IGFL2: variants seen among roughly 807,000 people sequenced by gnomAD.
IGFL2 encodes the protein insulin growth factor-like family member 2.
Under a neutral mutation model 13.9 loss-of-function variants are expected in IGFL2, and 7 were observed. The ratio of observed to expected loss-of-function variants is 0.51; its 90% CI spans 0.29 to 0.95. IGFL2 has a LOEUF of 0.95. Ranked by LOEUF, IGFL2 falls within the 40% of genes least tolerant of loss-of-function variation. The pLI is 0.08. For synonymous variants in IGFL2, 55 were observed against 55.8 expected (o/e 0.99, Z 0.07); for missense variants, 138 against 147.8 (o/e 0.93, Z 0.34).
chr19:46,188,167 TC>T, the IGFL2 span, among the ~76,000 whole-genome samples: 1 of 152,262 alleles, frequency 6.6e-6, no homozygotes, highest in East Asian at 1.9e-4. Context: ...AGTTTCACCC[TC>T]CCCCAATACC....
At chr19:46,127,430 A>G in the IGFL2 span, among the ~76,000 whole-genome samples, 3 of 152,192 alleles carry the variant, frequency 2.0e-5, no homozygotes, top group South Asian at 2.1e-4. Flanking sequence ...TCCATGAACT[A>G]TTGACAATTT....
chr19:46,122,770 A>G, the IGFL2 span, among the ~76,000 whole-genome samples: 1 of 150,894 alleles, frequency 6.6e-6, no homozygotes, highest in Non-Finnish European at 1.5e-5. Context: ...AAAACCCCCA[A>G]CAGAATAAAG....
At chr19:46,129,377 G>T in the IGFL2 span, among the ~76,000 whole-genome samples, 1 of 146,034 alleles carries the variant, frequency 6.8e-6, no homozygotes, top group African/African-American at 2.5e-5. Flanking sequence ...GTTCAGTTTT[G>T]ATTTTGATTA....
chr19:46,201,583 C>T, the IGFL2 span, among the ~76,000 whole-genome samples: 1 of 152,312 alleles, frequency 6.6e-6, no homozygotes, highest in African/African-American at 2.4e-5. Flanking sequence ...AATCTGTGTT[C>T]CCAGTGATGG....
the IGFL2 span, chr19:46,124,177 T>C: frequency 6.2e-6 from 10 of 1,610,200 alleles, 1 homozygote; most frequent in African/African-American, 1.1e-4. Flanking sequence ...ACATTGATGG[T>C]GTACATCCAA....
chr19:46,137,393 G>A, the IGFL2 span: 3 of 1,064,932 alleles, frequency 2.8e-6, no homozygotes. Context: ...TGTTTGCTGG[G>A]ACAACAGTGC....
upstream of IGFL2, among the ~76,000 whole-genome samples, chr19:46,148,085 G>A (rs1050040421): frequency 1.3e-5 from 2 of 152,178 alleles, no homozygotes; most frequent in African/African-American, 4.8e-5. Context: ...AACAGGTCCA[G>A]GAACATCTTA....
At chr19:46,092,418 G>T in the IGFL2 span, among the ~76,000 whole-genome samples, 4 of 152,044 alleles carry the variant, frequency 2.6e-5, no homozygotes, top group South Asian at 4.2e-4. Flanking sequence ...ATCACTTGAG[G>T]TTGGGAGTTT....
chr19:46,097,709 C>G, the IGFL2 span, among the ~76,000 whole-genome samples: 59 of 152,294 alleles, frequency 3.9e-4, no homozygotes, highest in African/African-American at 1.4e-3. Flanking sequence ...TACATTGTCT[C>G]TTGTTCTCAT....
At chr19:46,166,785 G>A in the IGFL2 span, among the ~76,000 whole-genome samples, 1 of 152,206 alleles carries the variant, frequency 6.6e-6, no homozygotes, top group African/African-American at 2.4e-5. Flanking sequence ...ATTTGCTTTT[G>A]AAAGAAGAGA....
At chr19:46,201,716 C>T in the IGFL2 span, among the ~76,000 whole-genome samples, 1 of 152,066 alleles carries the variant, frequency 6.6e-6, no homozygotes, top group African/African-American at 2.4e-5. Context: ...AAAAGTGTCC[C>T]ATACTTGTGG....
chr19:46,196,744 C>G, the IGFL2 span: 1 of 152,662 alleles, frequency 6.6e-6, no homozygotes, highest in Non-Finnish European at 1.5e-5. Context: ...TCTAGCCCTT[C>G]CTCGAGCTCC....
chr19:46,098,800 A>G, the IGFL2 span, among the ~76,000 whole-genome samples: 1 of 151,964 alleles, frequency 6.6e-6, no homozygotes, highest in Non-Finnish European at 1.5e-5. Context: ...GTGTCTTTTA[A>G]TTGGAGCATT....
chr19:46,151,443 T>C (rs188651498), intron 1 of IGFL2, among the ~76,000 whole-genome samples: 85 of 152,370 alleles, frequency 5.6e-4, no homozygotes, highest in African/African-American at 2.0e-3. Context: ...TTAGTTTTAT[T>C]CATTGATCTA....
At chr19:46,122,009 T>C in the IGFL2 span, among the ~76,000 whole-genome samples, 1 of 151,224 alleles carries the variant, frequency 6.6e-6, no homozygotes, top group Non-Finnish European at 1.5e-5. Flanking sequence ...TTTATGCAAA[T>C]GACTTCATCT....
chr19:46,090,300 T>C, the IGFL2 span, among the ~76,000 whole-genome samples: 2 of 152,248 alleles, frequency 1.3e-5, no homozygotes, highest in African/African-American at 4.8e-5. Flanking sequence ...TTAAGTTTGC[T>C]GAGCTTCCTT....
the IGFL2 span, among the ~76,000 whole-genome samples, chr19:46,084,634 C>T: frequency 1.2e-4 from 18 of 152,270 alleles, 1 homozygote; most frequent in East Asian, 3.5e-3. Flanking sequence ...TGGCAGAAGG[C>T]ACAGTGGGAG....
the IGFL2 span, chr19:46,212,172 G>C: frequency 6.6e-6 from 1 of 152,246 alleles, no homozygotes; most frequent in Non-Finnish European, 1.5e-5. Context: ...ACAAGGCATG[G>C]AGGCCAATGG....
chr19:46,162,970 CTTCTT>C (rs1401042852), downstream of IGFL2, among the ~76,000 whole-genome samples: 2 of 152,120 alleles, frequency 1.3e-5, no homozygotes, highest in African/African-American at 4.8e-5. Flanking sequence ...AGTCAATAGA[CTTCTT>C]TTCTGGATGT....
Sources: allele counts gnomAD v4.1 joint callset (sites outside exome capture counted in the v4.1 genomes callset), GRCh38; gene constraint gnomAD v4.1.1; transcripts MANE v1.5; gene names NCBI Gene and HGNC (gene_info 2026-07-23, HGNC 2026-07-21).